UGT1A10: variants seen among roughly 807,000 people sequenced by gnomAD.
UGT1A10 encodes UDP-glucuronosyltransferase 1A10.
A neutral mutation model predicts 45.8 loss-of-function variants in UGT1A10; 49 were observed. That is an observed-to-expected ratio of 1.07 (90% CI 0.85 to 1.36). The LOEUF is 1.36. Ranked by LOEUF, UGT1A10 falls within the 40% of genes most tolerant of loss-of-function variation. The pLI is 0.00. For synonymous variants in UGT1A10, 284 were observed against 249.7 expected (o/e 1.14, Z -1.29); for missense variants, 745 against 668.6 (o/e 1.11, Z -1.26).
chr2:233,710,599 GGTTT>G (rs1342342339), intron 1 of UGT1A10, among the ~76,000 whole-genome samples: 2 of 152,000 alleles, frequency 1.3e-5, no homozygotes, highest in Admixed American at 6.5e-5. Context: ...CACCTTTATT[GGTTT>G]GTTTGTCTTC....
In UGT1A10 at chr2:233,768,446, A is replaced by C. The variant is rs752429515; in HGVS notation, c.1295+7A>C. 1 of 1,612,506 alleles carries C rather than the reference A, an allele frequency of 6.2e-7. No homozygotes were observed. Among genetic ancestry groups the C allele is most frequent in the Non-Finnish European group, 8.5e-7 (1 of 1,179,230 alleles). ...CAGTCATCAATGACAAAAGGTAAGAAAGAAGATACAGAAGAATACTTTGGT... is the reference window on the plus strand; with the variant it reads ...CAGTCATCAATGACAAAAGGTAAGACAGAAGATACAGAAGAATACTTTGGT... On this transcript the variant is annotated splice_region_variant and intron_variant, in intron 4 of 4. Coordinates refer to ENST00000344644, the MANE Select transcript of UGT1A10 (RefSeq NM_019075.4).
At chr2:233,667,465 G>C (rs1172466212) in intron 1 of UGT1A10, among the ~76,000 whole-genome samples, 2 of 152,186 alleles carry the variant, frequency 1.3e-5, no homozygotes. Context: ...TCAGGACATA[G>C]GCATGGGCAA....
intron 1 of UGT1A10, among the ~76,000 whole-genome samples, chr2:233,710,181 C>T (rs1477662266): frequency 6.6e-6 from 1 of 152,106 alleles, no homozygotes; most frequent in Admixed American, 6.5e-5. Context: ...TATTGATGGA[C>T]ATGTGGATAG....
intron 1 of UGT1A10, chr2:233,753,090 C>T (rs1182840596): frequency 2.0e-5 from 3 of 152,216 alleles, no homozygotes; most frequent in Non-Finnish European, 4.4e-5. Flanking sequence ...TATTCCTGAA[C>T]GGCTCCATAA....
At position 233,653,952 on chromosome 2, in the gene UGT1A10, T is replaced by C. The variant is rs2073796428; in HGVS notation, c.855+16575T>C. 2.0e-5 allele frequency among the ~76,000 whole-genome samples: 3 copies of C among 152,248 alleles called. No homozygotes were observed. In the South Asian group the frequency reaches 6.2e-4, roughly 31 times the overall value. ...TACAAAAGGGACATCTCTTCATTATTGAGGACATTTCAACATTTGTACGTA... is the reference window on the plus strand; with the variant it reads ...TACAAAAGGGACATCTCTTCATTATCGAGGACATTTCAACATTTGTACGTA... On this transcript the variant is annotated intron_variant, in intron 1 of 4. Transcript: ENST00000344644.
intron 1 of UGT1A10, chr2:233,752,303 GC>G (rs1430654409): frequency 6.6e-6 from 1 of 152,154 alleles, no homozygotes; most frequent in Non-Finnish European, 1.5e-5. Context: ...GCCTTTCCTT[GC>G]CCGGTGTGCT....
At chr2:233,677,205 G>A (rs1215471855) in intron 1 of UGT1A10, among the ~76,000 whole-genome samples, 12 of 152,124 alleles carry the variant, frequency 7.9e-5, no homozygotes. Context: ...TCCGTCATCA[G>A]TGCTCTGTAG....
chr2:233,752,524 A>T (rs1231920163), intron 1 of UGT1A10: 1 of 152,204 alleles, frequency 6.6e-6, no homozygotes, highest in African/African-American at 2.4e-5. Context: ...TCAATTCTAA[A>T]AATTCTTTAA....
intron 1 of UGT1A10, among the ~76,000 whole-genome samples, chr2:233,638,685 C>T (rs964390642): frequency 6.6e-6 from 1 of 152,088 alleles, no homozygotes; most frequent in Non-Finnish European, 1.5e-5. Context: ...GGGTGGAGTA[C>T]ACATTTTTAT....
intron 1 of UGT1A10, among the ~76,000 whole-genome samples, chr2:233,748,374 A>G (rs1187650500): frequency 2.6e-5 from 4 of 151,848 alleles, no homozygotes; most frequent in African/African-American, 9.7e-5. Flanking sequence ...ATGGTTGTGC[A>G]TGTCCTTCAT....
At chr2:233,659,528 G>T (rs1575406943) in intron 1 of UGT1A10, among the ~76,000 whole-genome samples, 1 of 152,132 alleles carries the variant, frequency 6.6e-6, no homozygotes, top group East Asian at 1.9e-4. Flanking sequence ...TCATCATAAA[G>T]ATCTTCCTTT....
At chr2:233,651,950 T>C (rs916653946) in intron 1 of UGT1A10, among the ~76,000 whole-genome samples, 1 of 151,988 alleles carries the variant, frequency 6.6e-6, no homozygotes, top group South Asian at 2.1e-4. Flanking sequence ...TTAACCAAGA[T>C]AGCAGATCAT....
At chr2:233,682,266 C>A in intron 1 of UGT1A10, 1 of 1,614,182 alleles carries the variant, frequency 6.2e-7, no homozygotes, top group Non-Finnish European at 8.5e-7. Context: ...TCTCTATTAA[C>A]AAGTTCATCC....
At chr2:233,753,682 C>T (rs1184784607) in intron 1 of UGT1A10, 1 of 152,178 alleles carries the variant, frequency 6.6e-6, no homozygotes, top group Non-Finnish European at 1.5e-5. Context: ...CTCACCCAAA[C>T]AATATTACAG....
chr2:233,764,154 G>A (rs967840775), intron 1 of UGT1A10, among the ~76,000 whole-genome samples: 1 of 152,226 alleles, frequency 6.6e-6, no homozygotes, highest in Non-Finnish European at 1.5e-5. Flanking sequence ...TTTGGCTGGT[G>A]AAGTCTCATC....
rs193257830 is a variant in UGT1A10, at chr2:233,736,992, G to T, written c.856-30042G>T. Among the ~76,000 whole-genome samples, 107 of 152,338 alleles carry T rather than the reference G, an allele frequency of 7.0e-4. 1 individual carries two copies. Among genetic ancestry groups the T allele is most frequent in the Non-Finnish European group, 1.1e-3 (75 of 68,030 alleles). Reference sequence around the variant, plus strand: ...TGTTTCCCAGTCAAGATACACAGAGGTCAGGGACCCGCTTGAGGAGGCAGT... The same window carrying T: ...TGTTTCCCAGTCAAGATACACAGAGTTCAGGGACCCGCTTGAGGAGGCAGT... On this transcript the variant is annotated intron_variant, in intron 1 of 4. Transcript: ENST00000344644.
chr2:233,729,223 G>T, intron 1 of UGT1A10: 1 of 1,614,166 alleles, frequency 6.2e-7, no homozygotes, highest in Non-Finnish European at 8.5e-7. Context: ...AAAGGTGTTG[G>T]TGGTGCCCAT....
At chr2:233,646,214 C>G (rs990542227) in intron 1 of UGT1A10, among the ~76,000 whole-genome samples, 1 of 152,216 alleles carries the variant, frequency 6.6e-6, no homozygotes, top group East Asian at 1.9e-4. Flanking sequence ...AGGCTGCACA[C>G]AGCAGGGGGC....
In UGT1A10 at chr2:233,768,066, C is replaced by T; in HGVS notation, c.1075+130C>T. The T allele has an allele frequency of 1.9e-6, 3 of 1,597,468 alleles. No homozygotes were observed. In the Admixed American group the frequency reaches 5.2e-5, roughly 28 times the overall value. On this transcript the variant is annotated intron_variant, in intron 3 of 4. Coordinates refer to ENST00000344644, the MANE Select transcript of UGT1A10 (RefSeq NM_019075.4). ...CAACATATCCTACATTGCTTTTTAT[C>T]TAGTGGGGTATCTCAACCCACATTT...
Sources: allele counts gnomAD v4.1 joint callset (sites outside exome capture counted in the v4.1 genomes callset), GRCh38; gene constraint gnomAD v4.1.1; transcripts MANE v1.5; gene names NCBI Gene and HGNC (gene_info 2026-07-23, HGNC 2026-07-21).